Variants in RPS6KA2 observed in about 807,000 individuals in gnomAD.
RPS6KA2 encodes ribosomal protein S6 kinase alpha-2.
In RPS6KA2, 42 loss-of-function variants were observed where a neutral mutation model predicts 91.8. The ratio of observed to expected loss-of-function variants is 0.46; its 90% CI spans 0.36 to 0.59. The LOEUF (loss-of-function observed/expected upper bound fraction) is 0.59. Among genes scored for constraint, RPS6KA2 ranks in the 20% least tolerant of loss-of-function variants. RPS6KA2 has a pLI of 0.00. For missense variants in RPS6KA2, 798 were observed against 978.5 expected, an observed-to-expected ratio of 0.82 and a Z score of 2.46; for synonymous variants, 414 against 393.6, an observed-to-expected ratio of 1.05 and a Z score of -0.61.
chr6:166,449,801 C>T (rs367924524), intron 13 of RPS6KA2, among the ~76,000 whole-genome samples: 21 of 97,830 alleles, frequency 2.1e-4, no homozygotes, highest in South Asian at 6.3e-4. Context: ...GGAGCCACCA[C>T]GGGGACCACC....
intron 2 of RPS6KA2, among the ~76,000 whole-genome samples, chr6:166,748,376 C>T (rs1583073238): frequency 6.6e-6 from 1 of 152,266 alleles, no homozygotes; most frequent in African/African-American, 2.4e-5. Context: ...GTGTCTTCCA[C>T]CGGCAGAAAC....
intron 2 of RPS6KA2, among the ~76,000 whole-genome samples, chr6:166,685,467 G>A (rs917656159): frequency 4.6e-5 from 7 of 152,262 alleles, no homozygotes; most frequent in Non-Finnish European, 1.0e-4. Context: ...CTCGGGACAA[G>A]AGTCCAAGGA....
At chr6:166,502,114 G>T (rs2128478788) in intron 6 of RPS6KA2, among the ~76,000 whole-genome samples, 1 of 152,324 alleles carries the variant, frequency 6.6e-6, no homozygotes, top group Admixed American at 6.5e-5. Context: ...AGATGAAACA[G>T]TTCTGGAGAT....
At chr6:166,714,440 T>G (rs1789954288) in intron 2 of RPS6KA2, among the ~76,000 whole-genome samples, 1 of 152,222 alleles carries the variant, frequency 6.6e-6, no homozygotes, top group Non-Finnish European at 1.5e-5. Context: ...AAAAGATGCG[T>G]TGATGTCCTA....
rs1779214729 is a variant in RPS6KA2 at position 166,433,908 on chromosome 6, CA to C, written c.1333-1419del. On this transcript the variant is annotated intron_variant, in intron 14 of 20. Coordinates refer to ENST00000265678, the MANE Select transcript of RPS6KA2 (RefSeq NM_021135.6). The surrounding 1 kb of genome is among the most constrained non-coding windows in gnomAD (Gnocchi z 4.4). ...TAACTAGGACTACAGAGGTGTGTGC[CA>C]CCCTACTCAGCTAATTTTTAAATTC... is the stretch of plus-strand genomic sequence containing the variant. 6.6e-6 allele frequency among the ~76,000 whole-genome samples: 1 copy of C among 152,074 alleles called. No homozygotes were observed. Among genetic ancestry groups the C allele is most frequent in the Admixed American group, 6.6e-5 (1 of 15,260 alleles).
intron 2 of RPS6KA2, among the ~76,000 whole-genome samples, chr6:166,787,742 AC>A (rs1195970084): frequency 6.6e-6 from 1 of 152,152 alleles, no homozygotes; most frequent in Non-Finnish European, 1.5e-5. Flanking sequence ...CCTAGGCAAC[AC>A]CATTCAGGAC....
At chr6:166,600,040 C>T (rs1785675878) in intron 1 of RPS6KA2, among the ~76,000 whole-genome samples, 1 of 152,160 alleles carries the variant, frequency 6.6e-6, no homozygotes, top group Admixed American at 6.5e-5. Flanking sequence ...CAGAGTCTTG[C>T]TCCATAGCTG....
chr6:166,628,956 T>C (rs1215564570), upstream of RPS6KA2, among the ~76,000 whole-genome samples: 5 of 152,242 alleles, frequency 3.3e-5, no homozygotes, highest in African/African-American at 9.6e-5. Context: ...CAAGATGGTG[T>C]GCCAGTTAAG....
Position 166,627,220 on chromosome 6 carries a change from CCTCCGCCTCCTT to C in RPS6KA2, c.-213_-202del, listed in dbSNP as rs1340564477. The C allele has an allele frequency of 6.8e-6, 7 of 1,028,532 alleles. No homozygotes were observed. In the African/African-American group the frequency reaches 6.9e-5, roughly 10 times the overall value. The allele number at this position is 1,028,532 out of a possible 1,614,324, so 63.7% of individuals were successfully genotyped here. On this transcript the variant is annotated 5_prime_UTR_variant, in exon 1 of 21. Transcript: ENST00000265678. Reference sequence around the variant, plus strand: ...ACCGCGGCCGGGGCCACAATCGCTCCCTCCGCCTCCTTCTCCGCCTCCCCTGCGAGTACCAGC... The same window carrying C: ...ACCGCGGCCGGGGCCACAATCGCTCCCTCCGCCTCCCCTGCGAGTACCAGC...
chr6:166,668,067 AG>A (rs1788368681), intron 2 of RPS6KA2, among the ~76,000 whole-genome samples: 1 of 152,230 alleles, frequency 6.6e-6, no homozygotes, highest in Non-Finnish European at 1.5e-5. Context: ...CTCAGTGTGC[AG>A]GGTGGGGCCA....
rs1432936965 is a variant in RPS6KA2, at chr6:166,554,359, A to G, written c.100-15575T>C. On this transcript the variant is annotated intron_variant, in intron 1 of 20. Transcript: ENST00000265678. This position sits in a 1 kb window ranked among gnomAD's most constrained non-coding sequence, Gnocchi z 4.3. The stretch of plus-strand genomic sequence containing the variant: ...ATTCCCAGACTGTCAGGCCAGTTTT[A>G]TGAAGCTGAATGTGATATAAAGCTT... Among the ~76,000 whole-genome samples, 3 of 152,234 alleles carry G rather than the reference A, an allele frequency of 2.0e-5. No individual in the cohort carries two copies. The highest frequency in any genetic ancestry group is 4.4e-5 in the Non-Finnish European group (3 of 68,040).
At chr6:166,611,203 C>T (rs1786159340) in intron 1 of RPS6KA2, among the ~76,000 whole-genome samples, 1 of 152,146 alleles carries the variant, frequency 6.6e-6, no homozygotes, top group Admixed American at 6.5e-5. Flanking sequence ...AATATACATC[C>T]TATTAAGACA....
At chr6:166,618,418 C>A (rs959524128) in intron 1 of RPS6KA2, among the ~76,000 whole-genome samples, 2 of 152,064 alleles carry the variant, frequency 1.3e-5, no homozygotes, top group African/African-American at 4.8e-5. Context: ...AAGCAGGAGG[C>A]CTGGGTGTGG....
At chr6:166,497,838 T>C (rs887689524) in intron 8 of RPS6KA2, among the ~76,000 whole-genome samples, 1 of 152,222 alleles carries the variant, frequency 6.6e-6, no homozygotes, top group Non-Finnish European at 1.5e-5. Flanking sequence ...CTGTGTGTGA[T>C]GCACAGGCCG....
intron 12 of RPS6KA2, among the ~76,000 whole-genome samples, chr6:166,457,094 T>C (rs1263817200): frequency 6.6e-6 from 1 of 152,232 alleles, no homozygotes; most frequent in African/African-American, 2.4e-5. Flanking sequence ...ACATAGACTT[T>C]CTTTCCACAT....
At position 166,595,154 on chromosome 6, in the gene RPS6KA2, C is replaced by T. The variant is rs921707492; in HGVS notation, c.99+31767G>A. On this transcript the variant is annotated intron_variant, in intron 1 of 20. Transcript: ENST00000265678. ...GCAACCTCTACCTCCCAAGTTCAAG[C>T]GATTTTCATGTTTCAGCCTCCTGAG... is the stretch of plus-strand genomic sequence containing the variant. Among the ~76,000 whole-genome samples, 7 of 152,052 alleles carry T rather than the reference C, an allele frequency of 4.6e-5. No homozygotes were observed. In the East Asian group the frequency reaches 5.8e-4, roughly 13 times the overall value.
intron 11 of RPS6KA2, 142 bp downstream of exon 11, chr6:166,469,699 C>T: frequency 1.0e-5 from 8 of 775,956 alleles, no homozygotes; most frequent in South Asian, 7.2e-5. Context: ...TGGGGGCTCC[C>T]TGCCTGCAGG....
chr6:166,658,052 T>C (rs1788051752), intron 2 of RPS6KA2, among the ~76,000 whole-genome samples: 1 of 152,074 alleles, frequency 6.6e-6, no homozygotes. Flanking sequence ...CTGGCTAATT[T>C]TGCATTTTTA....
intron 2 of RPS6KA2, among the ~76,000 whole-genome samples, chr6:166,652,231 CT>C (rs1787875527): frequency 6.6e-6 from 1 of 152,180 alleles, no homozygotes; most frequent in Non-Finnish European, 1.5e-5. Context: ...CTATTGTTTT[CT>C]TTTAAAGCAT....
Sources: allele counts gnomAD v4.1 joint callset (sites outside exome capture counted in the v4.1 genomes callset), GRCh38; gene constraint gnomAD v4.1.1; non-coding constraint Gnocchi (gnomAD v3.1); transcripts MANE v1.5; gene names NCBI Gene and HGNC (gene_info 2026-07-23, HGNC 2026-07-21).